LRRC4C: variants seen among roughly 807,000 people sequenced by gnomAD.
The protein encoded by LRRC4C is leucine-rich repeat-containing protein 4C.
In LRRC4C, 5 loss-of-function variants were observed where a neutral mutation model predicts 33.6. The observed-to-expected ratio is 0.15, with a 90% confidence interval of 0.08 to 0.31. The LOEUF (loss-of-function observed/expected upper bound fraction) is 0.31. LRRC4C is among the 10% of genes least tolerant of loss of function. The probability of loss-of-function intolerance (pLI) is 1.00; values close to 1 mark genes in which losing one functional copy is unlikely to be tolerated. For synonymous variants in LRRC4C, 329 were observed against 302.0 expected (o/e 1.09, Z -0.93); for missense variants, 560 against 796.7 (o/e 0.70, Z 3.58).
chr11:40,566,560 T>C (rs1957776587), intron 3 of LRRC4C, among the ~76,000 whole-genome samples: 1 of 152,098 alleles, frequency 6.6e-6, no homozygotes, highest in Non-Finnish European at 1.5e-5. Context: ...ATAAGCCATA[T>C]ATTCAAATAT....
intron 2 of LRRC4C, among the ~76,000 whole-genome samples, chr11:40,843,928 C>T (rs1300374934): frequency 6.6e-6 from 1 of 152,024 alleles, no homozygotes; most frequent in Non-Finnish European, 1.5e-5. Flanking sequence ...CTTTACATGG[C>T]TAGTAGAAGT....
intron 3 of LRRC4C, among the ~76,000 whole-genome samples, chr11:40,387,170 ATATT>A (rs1949144852): frequency 6.6e-6 from 1 of 152,102 alleles, no homozygotes; most frequent in African/African-American, 2.4e-5. Context: ...AACTTTCCTC[ATATT>A]TATTTTCATA....
chr11:40,729,572 G>A (rs1468894402), intron 2 of LRRC4C, among the ~76,000 whole-genome samples: 1 of 152,052 alleles, frequency 6.6e-6, no homozygotes, highest in African/African-American at 2.4e-5. Flanking sequence ...CCAAAGCCTG[G>A]TCCTCACTCA....
At chr11:40,694,135 C>A (rs1220117014) in intron 2 of LRRC4C, among the ~76,000 whole-genome samples, 1 of 152,122 alleles carries the variant, frequency 6.6e-6, no homozygotes, top group Admixed American at 6.6e-5. Context: ...GAACTGGAAT[C>A]ACAATGTAAA....
At chr11:41,420,610 A>C (rs1954842811) in intron 1 of LRRC4C, among the ~76,000 whole-genome samples, 1 of 152,046 alleles carries the variant, frequency 6.6e-6, no homozygotes, top group East Asian at 1.9e-4. Context: ...AAAATTCACA[A>C]ATATATTTTG....
chr11:41,070,251 T>G (rs1565354915), intron 1 of LRRC4C, among the ~76,000 whole-genome samples: 2 of 152,080 alleles, frequency 1.3e-5, no homozygotes, highest in Admixed American at 6.5e-5. Context: ...TTTTTACACC[T>G]TATACAAAAT....
chr11:40,208,193 G>A (rs545673774), intron 5 of LRRC4C, among the ~76,000 whole-genome samples: 87 of 152,206 alleles, frequency 5.7e-4, no homozygotes, highest in African/African-American at 1.9e-3. Context: ...CATATGATAT[G>A]AGGAAATCAA....
At chr11:40,751,709 T>A in intron 2 of LRRC4C, among the ~76,000 whole-genome samples, 1 of 152,182 alleles carries the variant, frequency 6.6e-6, no homozygotes, top group East Asian at 1.9e-4. Context: ...CCAATCCTTA[T>A]CAAAATACCA....
chr11:40,368,624 G>T (rs894673054), intron 3 of LRRC4C, among the ~76,000 whole-genome samples: 5 of 152,116 alleles, frequency 3.3e-5, no homozygotes, highest in Non-Finnish European at 7.3e-5. Flanking sequence ...ATATAATTGT[G>T]CATTCTTATA....
chr11:40,574,966 G>T (rs1958129130), intron 3 of LRRC4C, among the ~76,000 whole-genome samples: 1 of 152,112 alleles, frequency 6.6e-6, no homozygotes, highest in African/African-American at 2.4e-5. Flanking sequence ...AGGGCGGTAA[G>T]ACCACTGTAT....
intron 1 of LRRC4C, among the ~76,000 whole-genome samples, chr11:41,025,041 T>A (rs1218864996): frequency 1.3e-5 from 2 of 151,570 alleles, no homozygotes; most frequent in Non-Finnish European, 1.5e-5. Context: ...AATAGATAAA[T>A]GTGTGTTCTC....
chr11:40,156,453 G>A (rs934338033), intron 5 of LRRC4C, among the ~76,000 whole-genome samples: 3 of 152,014 alleles, frequency 2.0e-5, no homozygotes, highest in Non-Finnish European at 4.4e-5. Flanking sequence ...AAAACACTAA[G>A]ACTCATCCAG....
At chr11:40,189,482 C>T (rs1009125075) in intron 5 of LRRC4C, among the ~76,000 whole-genome samples, 1 of 152,124 alleles carries the variant, frequency 6.6e-6, no homozygotes, top group African/African-American at 2.4e-5. Flanking sequence ...TCAGTTTCTT[C>T]AACTGTAGAA....
intron 5 of LRRC4C, among the ~76,000 whole-genome samples, chr11:40,226,597 C>T (rs11035742): frequency 0.59 from 89,625 of 152,006 alleles, 29,096 homozygotes; most frequent in East Asian, 0.77. Flanking sequence ...AGTCAGATTC[C>T]GTAGATTAAA....
intron 1 of LRRC4C, among the ~76,000 whole-genome samples, chr11:41,244,847 A>T (rs1484981619): frequency 3.9e-5 from 6 of 152,122 alleles, no homozygotes; most frequent in Non-Finnish European, 7.4e-5. Context: ...AGGCACAGGG[A>T]CTCAAGTAGA....
At chr11:41,029,869 G>A (rs1308530606) in intron 1 of LRRC4C, among the ~76,000 whole-genome samples, 1 of 151,800 alleles carries the variant, frequency 6.6e-6, no homozygotes, top group African/African-American at 2.4e-5. Flanking sequence ...GGAAAAGATG[G>A]TCCGGGAAAA....
At chr11:40,651,280 C>T (rs1001696912) in intron 2 of LRRC4C, among the ~76,000 whole-genome samples, 2 of 151,780 alleles carry the variant, frequency 1.3e-5, no homozygotes, top group Non-Finnish European at 2.9e-5. Flanking sequence ...TGTCTTAACA[C>T]GTTCATCAAT....
intron 1 of LRRC4C, among the ~76,000 whole-genome samples, chr11:41,105,566 G>A (rs1294083306): frequency 6.6e-6 from 1 of 152,028 alleles, no homozygotes; most frequent in African/African-American, 2.4e-5. Context: ...ACAATAAGAT[G>A]TGCTAAGTCA....
At chr11:40,221,316 A>G (rs1864400321) in intron 5 of LRRC4C, among the ~76,000 whole-genome samples, 1 of 152,224 alleles carries the variant, frequency 6.6e-6, no homozygotes. Context: ...GTGACAAATT[A>G]GAATCATGCA....
Sources: gnomAD v4.1 joint callset for allele counts (sites outside exome capture counted in the v4.1 genomes callset) on GRCh38, gnomAD v4.1.1 for gene constraint, MANE v1.5 for transcripts, NCBI Gene and HGNC (gene_info 2026-07-23, HGNC 2026-07-21) for gene names.